Variants in TRPM3 observed in about 807,000 individuals in gnomAD.
TRPM3 encodes the protein long transient receptor potential channel 3.
Under a neutral mutation model 181.2 loss-of-function variants are expected in TRPM3, and 77 were observed. That is an observed-to-expected ratio of 0.42 (90% confidence interval 0.35 to 0.51). The LOEUF (loss-of-function observed/expected upper bound fraction) is 0.51. Among genes scored for constraint, TRPM3 ranks in the 20% least tolerant of loss-of-function variants. The pLI is 0.01. For synonymous variants in TRPM3, 745 were observed against 796.4 expected, an observed-to-expected ratio of 0.94 and a Z score of 1.09; for missense variants, 1,759 against 2,196.7, an observed-to-expected ratio of 0.80 and a Z score of 3.98.
At chr9:71,283,248 A>T (rs910191697) in intron 1 of TRPM3, among the ~76,000 whole-genome samples, 1 of 152,100 alleles carries the variant, frequency 6.6e-6, no homozygotes, top group Non-Finnish European at 1.5e-5. Context: ...ACTTAGCATG[A>T]TGTCCTTAAA....
At chr9:70,820,794 TAA>T (rs1564445742) in intron 6 of TRPM3, among the ~76,000 whole-genome samples, 1 of 151,992 alleles carries the variant, frequency 6.6e-6, no homozygotes, top group Non-Finnish European at 1.5e-5. Flanking sequence ...GATGGAGAAA[TAA>T]AGTCAAATAC....
At chr9:70,970,873 T>C (rs7041925) in intron 1 of TRPM3, among the ~76,000 whole-genome samples, 31,608 of 152,058 alleles carry the variant, frequency 0.21, 3,384 homozygotes, top group South Asian at 0.23. Flanking sequence ...CACCTATACA[T>C]TTTTTCATTT....
intron 1 of TRPM3, among the ~76,000 whole-genome samples, chr9:71,345,103 A>G (rs2091212626): frequency 6.6e-6 from 1 of 152,240 alleles, no homozygotes. Context: ...GATTCTGGAG[A>G]GGATGTGGAG....
intron 1 of TRPM3, among the ~76,000 whole-genome samples, chr9:70,993,005 C>T (rs2097503481): frequency 1.3e-5 from 2 of 152,002 alleles, no homozygotes; most frequent in South Asian, 4.2e-4. Flanking sequence ...GTACAAACCC[C>T]CAAGAGATTT....
Position 70,674,632 on chromosome 9 carries a change from T to C in TRPM3, c.1345+6874A>G, listed in dbSNP as rs1424061140. Among the ~76,000 whole-genome samples, 3 of 151,996 alleles carry C rather than the reference T, an allele frequency of 2.0e-5. No individual in the cohort carries two copies. In the East Asian group the frequency reaches 5.8e-4, roughly 29 times the overall value. ...TGGAGTGCAATGGTGCAATCATGGC[T>C]TACTGCAGCCTTGACCTCCTGGGCT... On this transcript the variant is annotated intron_variant, in intron 9 of 25. Coordinates refer to ENST00000677713, the MANE Select transcript of TRPM3 (RefSeq NM_001366145.2).
intron 1 of TRPM3, among the ~76,000 whole-genome samples, chr9:70,925,052 C>T (rs1476008048): frequency 6.6e-6 from 1 of 152,194 alleles, no homozygotes; most frequent in Non-Finnish European, 1.5e-5. Flanking sequence ...TATGCACGGA[C>T]TCACTTGAGT....
chr9:70,920,634 T>A (rs1248117134), intron 1 of TRPM3, among the ~76,000 whole-genome samples: 1 of 152,100 alleles, frequency 6.6e-6, no homozygotes, highest in Non-Finnish European at 1.5e-5. Context: ...TAAGAGGAAA[T>A]CACATGAAAC....
In TRPM3 at chr9:70,594,122, T is replaced by TA. The variant is rs144276597; in HGVS notation, c.3049-2918dup. Reference sequence around the variant, plus strand: ...AACAAAATAAAGGCTTCCTAAATGTTAAAAAGAAAGAAAGAAAGAAAAAGA... The same window carrying TA: ...AACAAAATAAAGGCTTCCTAAATGTTAAAAAAGAAAGAAAGAAAGAAAAAGA... On this transcript the variant is annotated intron_variant, in intron 21 of 25. Transcript: ENST00000677713. Among the ~76,000 whole-genome samples, 114 of 147,576 alleles carry TA rather than the reference T, an allele frequency of 7.7e-4. 2 individuals are homozygous for TA. Among genetic ancestry groups the TA allele is most frequent in the East Asian group, 7.3e-3 (37 of 5,060 alleles).
In TRPM3 at chr9:70,846,490, C is replaced by A. The variant is rs1041746220; in HGVS notation, c.564G>T (p.Gly188=). 2 of 1,613,978 alleles carry A rather than the reference C, an allele frequency of 1.2e-6. No individual in the cohort carries two copies. The highest frequency in any genetic ancestry group is 1.3e-5 in the African/African-American group (1 of 74,894). Residue 188 remains glycine (G), a synonymous_variant, in exon 4 of 26, where the codon GGG becomes GGT. Coordinates refer to ENST00000677713, the MANE Select transcript of TRPM3 (RefSeq NM_001366145.2). The part of the protein sequence containing the change: ...ELPKLLISVH[G]GLQNFELQPK... ...GCTGGAGTTCAAAGTTCTGCAGGCC[C>A]CCATGGACAGAGATGAGAAGCTTGG...
chr9:70,874,258 G>C (rs1272762410), intron 1 of TRPM3, among the ~76,000 whole-genome samples: 2 of 151,602 alleles, frequency 1.3e-5, no homozygotes, highest in African/African-American at 4.8e-5. Context: ...TCATTATGGG[G>C]CAATTAATCA....
chr9:71,192,794 T>A (rs1027720), intron 1 of TRPM3, among the ~76,000 whole-genome samples: 11,990 of 151,670 alleles, frequency 0.079, 616 homozygotes, highest in Non-Finnish European at 0.11. Flanking sequence ...CTTCTGTTGC[T>A]CATGCTTTTG....
chr9:70,749,940 T>C (rs534658811), intron 8 of TRPM3, among the ~76,000 whole-genome samples: 1 of 152,336 alleles, frequency 6.6e-6, no homozygotes, highest in Admixed American at 6.5e-5. Flanking sequence ...CCTTTCTCTT[T>C]CTTGACAGTC....
At chr9:70,854,779 G>A (rs552760104) in intron 3 of TRPM3, among the ~76,000 whole-genome samples, 1 of 152,274 alleles carries the variant, frequency 6.6e-6, no homozygotes, top group Non-Finnish European at 1.5e-5. Context: ...GGAAGGCCCT[G>A]TGATGTGCTA....
chr9:71,336,934 C>A (rs1267530071), intron 1 of TRPM3, among the ~76,000 whole-genome samples: 1 of 152,150 alleles, frequency 6.6e-6, no homozygotes, highest in Non-Finnish European at 1.5e-5. Flanking sequence ...CTTCCTTACA[C>A]CTTATACAAA....
At chr9:71,002,756 G>A (rs1248700546) in intron 1 of TRPM3, among the ~76,000 whole-genome samples, 3 of 151,996 alleles carry the variant, frequency 2.0e-5, no homozygotes, top group Non-Finnish European at 4.4e-5. Flanking sequence ...TTATTTTTCT[G>A]AATGATTTGA....
intron 7 of TRPM3, among the ~76,000 whole-genome samples, chr9:70,766,977 T>G (rs1446386974): frequency 4.6e-5 from 7 of 152,262 alleles, no homozygotes; most frequent in African/African-American, 7.2e-5. Flanking sequence ...TGTAAAAGGC[T>G]TAGAAAAGTG....
chr9:70,602,614 G>A (rs2060264559), intron 20 of TRPM3, among the ~76,000 whole-genome samples: 1 of 152,198 alleles, frequency 6.6e-6, no homozygotes, highest in Non-Finnish European at 1.5e-5. Flanking sequence ...AGGAGCTTGT[G>A]GTGAACATTG....
chr9:71,408,604 T>A (rs2093482324), intron 1 of TRPM3, among the ~76,000 whole-genome samples: 1 of 151,942 alleles, frequency 6.6e-6, no homozygotes, highest in Non-Finnish European at 1.5e-5. Context: ...TGGGACTATG[T>A]GAAAAGACCA....
At chr9:71,228,652 A>C (rs1313073379) in intron 1 of TRPM3, among the ~76,000 whole-genome samples, 1 of 152,218 alleles carries the variant, frequency 6.6e-6, no homozygotes, top group Non-Finnish European at 1.5e-5. Flanking sequence ...TACAAAAATC[A>C]GTAGCATTTC....
Sources: gnomAD v4.1 joint callset for allele counts (sites outside exome capture counted in the v4.1 genomes callset) on GRCh38, gnomAD v4.1.1 for gene constraint, MANE v1.5 for transcripts, NCBI Gene and HGNC (gene_info 2026-07-23, HGNC 2026-07-21) for gene names.